The following ST3GAL1 variants were observed in gnomAD, a reference collection of about 807,000 sequenced individuals.
ST3GAL1 encodes CMP-N-acetylneuraminate-beta-galactosamide-alpha-2,3-sialyltransferase 1.
ST3GAL1 carries 16 observed loss-of-function variants against 34.1 expected under a neutral mutation model. The ratio of observed to expected loss-of-function variants is 0.47; its 90% CI spans 0.32 to 0.71. ST3GAL1 has a LOEUF of 0.71. Ranked by LOEUF, ST3GAL1 falls within the 30% of genes least tolerant of loss-of-function variation. ST3GAL1 has a pLI of 0.04. For missense variants in ST3GAL1, 353 were observed against 447.4 expected (o/e 0.79, Z 1.90); for synonymous variants, 191 against 184.7 (o/e 1.03, Z -0.28).
intron 2 of ST3GAL1, among the ~76,000 whole-genome samples, chr8:133,513,228 G>A (rs538192604): frequency 4.6e-5 from 7 of 151,886 alleles, no homozygotes; most frequent in Admixed American, 2.0e-4. Flanking sequence ...CAGATGCCTC[G>A]GCCTTCACTC....
intron 2 of ST3GAL1, among the ~76,000 whole-genome samples, chr8:133,537,987 G>A (rs183732963): frequency 2.6e-5 from 4 of 152,286 alleles, no homozygotes; most frequent in African/African-American, 7.2e-5. Flanking sequence ...AGGTCTGTGC[G>A]TCTTCTGCTC....
At position 133,484,931 on chromosome 8, in the gene ST3GAL1, C is replaced by A. The variant is rs150781503; in HGVS notation, c.-373-8331G>T. Among the ~76,000 whole-genome samples, 1,053 of 152,330 alleles carry A rather than the reference C, an allele frequency of 6.9e-3. 16 individuals are homozygous for A. Among genetic ancestry groups the A allele is most frequent in the African/African-American group, 0.024 (1,008 of 41,576 alleles). On this transcript the variant is annotated intron_variant, in intron 3 of 9. Transcript: ENST00000522652. The stretch of plus-strand genomic sequence containing the variant: ...ACGCACTGGGAATTGTGATGGGAGA[C>A]TGTTCAGAAACATTTAAGAACTCAG...
intron 2 of ST3GAL1, chr8:133,516,225 A>G (rs1158071420): frequency 1.3e-5 from 2 of 152,056 alleles, no homozygotes; most frequent in Non-Finnish European, 2.9e-5. Flanking sequence ...AATTTTATCA[A>G]TATTTATTAT....
At chr8:133,498,322 A>C (rs1817032650) in intron 3 of ST3GAL1, among the ~76,000 whole-genome samples, 2 of 152,204 alleles carry the variant, frequency 1.3e-5, no homozygotes, top group Admixed American at 6.5e-5. Flanking sequence ...TCAGGGAGCA[A>C]AGATTCATTT....
Position 133,475,793 on chromosome 8 carries a change from A to G in ST3GAL1, c.232T>C (p.Phe78Leu). The G allele has an allele frequency of 6.2e-7, 1 of 1,613,918 alleles. No homozygotes were observed. The stretch of plus-strand genomic sequence containing the variant: ...AGCAGCGGCTGCATGGTCTGGTTGA[A>G]CCTCTCATCGAACCAGGCCGAGAGC... ...RKLSAWFDER[F>L]NQTMQPLLTA... The change falls in exon 5 of 10, where the codon TTC becomes CTC. Residue 78 changes from phenylalanine to leucine, a missense_variant. By Grantham distance (22) the Phe-to-Leu change is conservative. Coordinates refer to ENST00000522652, the MANE Select transcript of ST3GAL1 (RefSeq NM_173344.3).
Position 133,508,410 on chromosome 8 carries a change from T to C in ST3GAL1, c.-428-9221A>G, listed in dbSNP as rs1488765544. Among the ~76,000 whole-genome samples, 1 of 152,142 alleles carries C rather than the reference T, an allele frequency of 6.6e-6. No individual in the cohort carries two copies. The highest frequency in any genetic ancestry group is 1.5e-5 in the Non-Finnish European group (1 of 68,034). ...CCGTGGGATCAGGCTGAAGGTTGAC[T>C]CTAGCTGGGAGCACATCCCTGCTCA... On this transcript the variant is annotated intron_variant, in intron 2 of 9. Transcript: ENST00000522652. This position sits in a 1 kb window ranked among gnomAD's most constrained non-coding sequence, Gnocchi z 4.1.
At chr8:133,527,934 G>A (rs1818025248) in intron 2 of ST3GAL1, among the ~76,000 whole-genome samples, 1 of 152,006 alleles carries the variant, frequency 6.6e-6, no homozygotes, top group Non-Finnish European at 1.5e-5. Flanking sequence ...CACCACTTTG[G>A]GAGGCCAAAG....
At chr8:133,550,051 C>G (rs963355948) in intron 1 of ST3GAL1, among the ~76,000 whole-genome samples, 2 of 152,238 alleles carry the variant, frequency 1.3e-5, no homozygotes, top group African/African-American at 2.4e-5. Flanking sequence ...CTCAGCTTCT[C>G]TAATACAGCA....
intron 3 of ST3GAL1, among the ~76,000 whole-genome samples, chr8:133,495,135 G>C (rs1009917083): frequency 8.6e-5 from 13 of 151,964 alleles, no homozygotes; most frequent in Non-Finnish European, 2.9e-5. Context: ...AGCCAGGATG[G>C]TCTCCATCTC....
chr8:133,529,054 G>A (rs1308513660), intron 2 of ST3GAL1, among the ~76,000 whole-genome samples: 1 of 152,250 alleles, frequency 6.6e-6, no homozygotes, highest in African/African-American at 2.4e-5. Flanking sequence ...CAGCACAGGT[G>A]GGACAAAGCG....
rs1367847567 is a variant in ST3GAL1, at chr8:133,467,207, T to C, written c.307-1117A>G. Among the ~76,000 whole-genome samples, 1 of 152,150 alleles carries C rather than the reference T, an allele frequency of 6.6e-6. No individual in the cohort carries two copies. The highest frequency in any genetic ancestry group is 1.5e-5 in the Non-Finnish European group (1 of 68,032). Reference sequence around the variant, plus strand: ...ATTTGCCCAGGTTAAGGGGTTTCCCTAGATGCAGGACTCTCAGTGCTAAAA... The same window carrying C: ...ATTTGCCCAGGTTAAGGGGTTTCCCCAGATGCAGGACTCTCAGTGCTAAAA... On this transcript the variant is annotated intron_variant, in intron 5 of 9. Transcript: ENST00000522652. The surrounding 1 kb of genome is among the most constrained non-coding windows in gnomAD (Gnocchi z 4.2).
intron 5 of ST3GAL1, among the ~76,000 whole-genome samples, chr8:133,473,841 A>G (rs1816059120): frequency 1.3e-5 from 2 of 152,192 alleles, no homozygotes; most frequent in African/African-American, 4.8e-5. Flanking sequence ...CCTTGTGACT[A>G]AGGCTGATCC....
chr8:133,487,555 G>C (rs1294323992), intron 3 of ST3GAL1, among the ~76,000 whole-genome samples: 1 of 152,196 alleles, frequency 6.6e-6, no homozygotes, highest in Non-Finnish European at 1.5e-5. Context: ...CTCTGACTTG[G>C]ACACTGCCAA....
intron 2 of ST3GAL1, among the ~76,000 whole-genome samples, chr8:133,504,512 G>A (rs1002534257): frequency 1.3e-5 from 2 of 152,204 alleles, no homozygotes; most frequent in Admixed American, 6.5e-5. Flanking sequence ...AGTGAAGTGG[G>A]AAGTCAATCC....
At chr8:133,566,108 G>T (rs1819392211) in intron 1 of ST3GAL1, among the ~76,000 whole-genome samples, 1 of 152,218 alleles carries the variant, frequency 6.6e-6, no homozygotes, top group African/African-American at 2.4e-5. Flanking sequence ...CCTCCCCTGT[G>T]TGTCTCTGCT....
intron 1 of ST3GAL1, among the ~76,000 whole-genome samples, chr8:133,555,169 C>T (rs934545813): frequency 1.3e-5 from 2 of 152,118 alleles, no homozygotes; most frequent in African/African-American, 4.8e-5. Flanking sequence ...TTGAACTGAG[C>T]TTCACTCCTC....
rs1394495128 is a variant in ST3GAL1 at position 133,454,858 on chromosome 8, T to C, written c.*4906A>G. On this transcript the variant is annotated 3_prime_UTR_variant, in exon 10 of 10. Coordinates refer to ENST00000522652, the MANE Select transcript of ST3GAL1 (RefSeq NM_173344.3). ...CAACAAACACACCCAAACAATAAAA[T>C]AGCTCTTTGTTTATTCACTTTGATT... is the stretch of plus-strand genomic sequence containing the variant. 2 of 152,190 alleles carry C rather than the reference T, an allele frequency of 1.3e-5. No homozygotes were observed. Among genetic ancestry groups the C allele is most frequent in the Non-Finnish European group, 2.9e-5 (2 of 68,038 alleles). 9.4% of individuals were successfully genotyped at this position (152,190 alleles called of 1,614,324 possible). A position where few individuals can be genotyped will look rare whatever the true frequency, so the allele number is the denominator to read the frequency against.
chr8:133,472,175 T>TAACTC (rs146285211), intron 5 of ST3GAL1, among the ~76,000 whole-genome samples: 13 of 151,728 alleles, frequency 8.6e-5, no homozygotes, highest in African/African-American at 2.2e-4. Context: ...CAACTCAATT[T>TAACTC]AACTCAACTC....
intron 1 of ST3GAL1, among the ~76,000 whole-genome samples, chr8:133,547,373 G>C (rs1019306800): frequency 6.6e-6 from 1 of 152,024 alleles, no homozygotes; most frequent in Non-Finnish European, 1.5e-5. Flanking sequence ...AGGGTCAAGC[G>C]ATCCTCCCTC....
Sources: gnomAD v4.1 joint callset for allele counts (sites outside exome capture counted in the v4.1 genomes callset) on GRCh38, gnomAD v4.1.1 for gene constraint, Gnocchi (gnomAD v3.1) non-coding constraint, MANE v1.5 for transcripts, NCBI Gene and HGNC (gene_info 2026-07-23, HGNC 2026-07-21) for gene names.